FRMD5: variants seen among roughly 807,000 people sequenced by gnomAD.
FRMD5 encodes the protein FERM domain containing 5.
A neutral mutation model predicts 69.0 loss-of-function variants in FRMD5; 20 were observed. That is an observed-to-expected ratio of 0.29 (90% CI 0.20 to 0.42). FRMD5 has a LOEUF of 0.42. FRMD5 is among the 10% of genes least tolerant of loss of function. The probability of loss-of-function intolerance (pLI) is 1.00; values close to 1 mark genes in which losing one functional copy is unlikely to be tolerated. For missense variants in FRMD5, 595 were observed against 708.6 expected (o/e 0.84, Z 1.82); for synonymous variants, 271 against 260.1 (o/e 1.04, Z -0.40).
At chr15:44,151,696 G>A (rs1247496116) in intron 1 of FRMD5, among the ~76,000 whole-genome samples, 1 of 152,058 alleles carries the variant, frequency 6.6e-6, no homozygotes, top group Admixed American at 6.5e-5. Context: ...ATTTGGCAAT[G>A]ATTTTCTGGA....
intron 1 of FRMD5, among the ~76,000 whole-genome samples, chr15:44,142,651 G>A (rs2077290840): frequency 1.3e-5 from 2 of 152,134 alleles, no homozygotes; most frequent in Admixed American, 1.3e-4. Context: ...GCTAAGAAAT[G>A]GAGCCCCCTG....
intron 1 of FRMD5, among the ~76,000 whole-genome samples, chr15:44,037,824 A>T (rs1343502838): frequency 1.3e-5 from 2 of 152,082 alleles, no homozygotes; most frequent in African/African-American, 4.8e-5. Flanking sequence ...TATACCTATT[A>T]ATGGGATTGG....
intron 1 of FRMD5, among the ~76,000 whole-genome samples, chr15:44,058,449 A>C (rs1358423361): frequency 6.6e-6 from 1 of 152,192 alleles, no homozygotes; most frequent in African/African-American, 2.4e-5. Flanking sequence ...CTCCGTGAAT[A>C]AGCTTAAAGC....
chr15:43,922,764 G>C (rs905279052), intron 2 of FRMD5, among the ~76,000 whole-genome samples: 2 of 151,346 alleles, frequency 1.3e-5, no homozygotes, highest in Non-Finnish European at 1.5e-5. Flanking sequence ...TCCACCTCCC[G>C]GGTTCGAGTG....
intron 1 of FRMD5, among the ~76,000 whole-genome samples, chr15:44,101,802 G>A (rs1018617495): frequency 6.6e-6 from 1 of 152,198 alleles, no homozygotes; most frequent in African/African-American, 2.4e-5. Context: ...CTCTGAGAAT[G>A]ATGCCTGAAC....
chr15:44,043,157 G>A (rs879491631), intron 1 of FRMD5, among the ~76,000 whole-genome samples: 3 of 152,172 alleles, frequency 2.0e-5, no homozygotes, highest in Non-Finnish European at 4.4e-5. Context: ...CAAATCATGA[G>A]TGAACTCCCA....
Position 43,990,443 on chromosome 15 carries a change from T to C in FRMD5, c.103-66134A>G, listed in dbSNP as rs781186805. 4.4e-4 allele frequency among the ~76,000 whole-genome samples: 67 copies of C among 152,256 alleles called. 1 individual carries two copies. Among genetic ancestry groups the C allele is most frequent in the Admixed American group, 2.0e-4 (3 of 15,290 alleles). On this transcript the variant is annotated intron_variant, in intron 1 of 13. Transcript: ENST00000417257. ...GTTTTAAATTACAGCTTACTAACAT[T>C]AGTTTTACTATGTTTTTTCATTTCT...
intron 1 of FRMD5, among the ~76,000 whole-genome samples, chr15:43,931,778 C>A (rs1206553069): frequency 6.6e-6 from 1 of 152,110 alleles, no homozygotes; most frequent in Non-Finnish European, 1.5e-5. Flanking sequence ...TGTGATGGAT[C>A]CTGAGGTAGA....
chr15:44,133,175 C>T lies in FRMD5; in HGVS notation c.102+61778G>A, dbSNP rs1480539511. On this transcript the variant is annotated intron_variant, in intron 1 of 13. Coordinates refer to ENST00000417257, the MANE Select transcript of FRMD5 (RefSeq NM_032892.5). The stretch of plus-strand genomic sequence containing the variant: ...ATTGCAGTGAGCTGAGATCGCGCCA[C>T]TGCACTCCAGCCTGGCGACACTGCG... Among the ~76,000 whole-genome samples the T allele has an allele frequency of 2.6e-5, 4 of 151,610 alleles. No individual in the cohort carries two copies. The East Asian group carries it at 5.9e-4, about 22-fold the overall frequency.
intron 1 of FRMD5, among the ~76,000 whole-genome samples, chr15:44,177,699 A>T (rs2077923123): frequency 6.6e-6 from 1 of 152,220 alleles, no homozygotes; most frequent in African/African-American, 2.4e-5. Flanking sequence ...CCTTAAACAG[A>T]TGAACTTTAT....
At chr15:43,974,043 A>G (rs2090428242) in intron 1 of FRMD5, among the ~76,000 whole-genome samples, 1 of 151,768 alleles carries the variant, frequency 6.6e-6, no homozygotes, top group South Asian at 2.1e-4. Flanking sequence ...GGTTACTCCA[A>G]AAGGGATCAG....
chr15:44,151,470 CAAAT>C (rs2077446887), intron 1 of FRMD5, among the ~76,000 whole-genome samples: 1 of 149,266 alleles, frequency 6.7e-6, no homozygotes, highest in Non-Finnish European at 1.5e-5. Flanking sequence ...TATATACTAA[CAAAT>C]AATAATCCGA....
chr15:44,187,844 T>C (rs904273393), intron 1 of FRMD5, among the ~76,000 whole-genome samples: 2 of 152,142 alleles, frequency 1.3e-5, no homozygotes, highest in African/African-American at 4.8e-5. Flanking sequence ...ACTGAGATTA[T>C]AGGCATAAAC....
At chr15:43,902,040 T>C (rs2089057897) in intron 7 of FRMD5, 135 bp downstream of exon 7, 1 of 689,460 alleles carries the variant, frequency 1.5e-6, no homozygotes, top group Admixed American at 2.3e-5. Flanking sequence ...AAGCAGGCAT[T>C]TTCTCTGATA....
At chr15:44,137,531 TA>T (rs2077204684) in intron 1 of FRMD5, among the ~76,000 whole-genome samples, 2 of 152,122 alleles carry the variant, frequency 1.3e-5, no homozygotes, top group Non-Finnish European at 2.9e-5. Flanking sequence ...TCAGGAACTC[TA>T]GAGGTAAGGA....
At position 43,988,986 on chromosome 15, in the gene FRMD5, G is replaced by A. The variant is rs533485214; in HGVS notation, c.103-64677C>T. On this transcript the variant is annotated intron_variant, in intron 1 of 13. Coordinates refer to ENST00000417257, the MANE Select transcript of FRMD5 (RefSeq NM_032892.5). Reference sequence around the variant, plus strand: ...AACAAAATAAAAAAAACAAAGTCATGCCAATCTCATCTTGTTTTCTGCGCA... The same window carrying A: ...AACAAAATAAAAAAAACAAAGTCATACCAATCTCATCTTGTTTTCTGCGCA... 5.6e-4 allele frequency: 390 copies of A among 697,656 alleles called. 6 individuals are homozygous for A. Among genetic ancestry groups the A allele is most frequent in the South Asian group, 5.3e-3 (383 of 72,302 alleles). The allele number at this position is 697,656 out of a possible 1,614,324, so 43.2% of individuals were successfully genotyped here.
chr15:43,888,279 C>A lies in FRMD5; in HGVS notation c.793-13G>T. On this transcript the variant is annotated splice_polypyrimidine_tract_variant and intron_variant, in intron 9 of 13. Coordinates refer to ENST00000417257, the MANE Select transcript of FRMD5 (RefSeq NM_032892.5). Reference sequence around the variant, plus strand: ...TAATTTTCTTTTCCTGCAAAAAATTCCACATTGATATGGCTGAGTGTGGAT... The same window carrying A: ...TAATTTTCTTTTCCTGCAAAAAATTACACATTGATATGGCTGAGTGTGGAT... 6.3e-7 allele frequency: 1 copy of A among 1,583,114 alleles called. No homozygotes were observed. Among genetic ancestry groups the A allele is most frequent in the Non-Finnish European group, 8.7e-7 (1 of 1,151,888 alleles).
intron 7 of FRMD5, among the ~76,000 whole-genome samples, chr15:43,893,496 G>C (rs527413739): frequency 6.6e-6 from 1 of 152,318 alleles, no homozygotes; most frequent in Non-Finnish European, 1.5e-5. Context: ...TCCCAGAGGG[G>C]CTTCCTTTGT....
chr15:44,058,442 C>T lies in FRMD5; in HGVS notation c.103-134133G>A, dbSNP rs917948564. On this transcript the variant is annotated intron_variant, in intron 1 of 13. Coordinates refer to ENST00000417257, the MANE Select transcript of FRMD5 (RefSeq NM_032892.5). Reference sequence around the variant, plus strand: ...TATTGTGGTGATGGTTGTACAACTCCGTGAATAAGCTTAAAGCCACTGAAT... The same window carrying T: ...TATTGTGGTGATGGTTGTACAACTCTGTGAATAAGCTTAAAGCCACTGAAT... Among the ~76,000 whole-genome samples the T allele has an allele frequency of 5.3e-5, 8 of 152,126 alleles. No individual in the cohort carries two copies. In the East Asian group the frequency reaches 5.8e-4, roughly 11 times the overall value.
Sources: gnomAD v4.1 joint callset for allele counts (sites outside exome capture counted in the v4.1 genomes callset) on GRCh38, gnomAD v4.1.1 for gene constraint, MANE v1.5 for transcripts, NCBI Gene and HGNC (gene_info 2026-07-23, HGNC 2026-07-21) for gene names.